Variants in AUTS2 observed in about 807,000 individuals in gnomAD.
AUTS2 encodes the protein autism susceptibility gene 2 protein.
A neutral mutation model predicts 112.4 loss-of-function variants in AUTS2; 17 were observed. That is an observed-to-expected ratio of 0.15 (90% confidence interval 0.10 to 0.23). The LOEUF is 0.23. AUTS2 is among the 10% of genes least tolerant of loss of function. The pLI, the probability that AUTS2 is intolerant of heterozygous loss-of-function variation, is 1.00. For synonymous variants in AUTS2, 751 were observed against 702.7 expected (o/e 1.07, Z -1.09); for missense variants, 1,510 against 1,701.6 (o/e 0.89, Z 1.98).
intron 5 of AUTS2, among the ~76,000 whole-genome samples, chr7:70,476,705 C>G (rs1341532908): frequency 6.6e-6 from 1 of 152,186 alleles, no homozygotes; most frequent in Non-Finnish European, 1.5e-5. Context: ...CTTACAAGCT[C>G]TATAGCCTTC....
intron 5 of AUTS2, among the ~76,000 whole-genome samples, chr7:70,640,671 G>A (rs1329149782): frequency 1.3e-5 from 2 of 152,002 alleles, no homozygotes; most frequent in African/African-American, 4.8e-5. Flanking sequence ...ATTGAAAGAC[G>A]GCTTGGTTCC....
intron 1 of AUTS2, among the ~76,000 whole-genome samples, chr7:69,827,834 C>T (rs1355688993): frequency 6.6e-6 from 1 of 152,206 alleles, no homozygotes; most frequent in Non-Finnish European, 1.5e-5. Context: ...TTGTCTGCAG[C>T]ACTGTGGCCA....
chr7:70,265,865 A>T (rs1215018197), intron 4 of AUTS2, among the ~76,000 whole-genome samples: 2 of 152,216 alleles, frequency 1.3e-5, no homozygotes, highest in Non-Finnish European at 2.9e-5. Context: ...CTATTATGAC[A>T]ATTAACTCTG....
intron 4 of AUTS2, among the ~76,000 whole-genome samples, chr7:70,335,809 T>C (rs887666259): frequency 3.3e-5 from 5 of 152,224 alleles, no homozygotes; most frequent in Non-Finnish European, 4.4e-5. Context: ...TTGCAAGGCC[T>C]TTATTTCCTT....
At chr7:70,426,002 T>C (rs539977834) in intron 4 of AUTS2, among the ~76,000 whole-genome samples, 1 of 152,182 alleles carries the variant, frequency 6.6e-6, no homozygotes, top group East Asian at 1.9e-4. Flanking sequence ...GTACATACTG[T>C]CAATAGCCCC....
intron 4 of AUTS2, among the ~76,000 whole-genome samples, chr7:70,315,955 T>A (rs1283462793): frequency 6.6e-6 from 1 of 152,222 alleles, no homozygotes; most frequent in African/African-American, 2.4e-5. Context: ...TTGTTCTCCT[T>A]TGTACTTTCC....
chr7:69,670,654 A>G (rs896229176), intron 1 of AUTS2, among the ~76,000 whole-genome samples: 32 of 146,880 alleles, frequency 2.2e-4, no homozygotes, highest in Non-Finnish European at 4.0e-4. Context: ...AGGCTGGAGG[A>G]TGGCTTGAAC....
At position 70,009,162 on chromosome 7, in the gene AUTS2, A is replaced by G. The variant is rs183682405; in HGVS notation, c.523-108970A>G. Among the ~76,000 whole-genome samples, 141 of 152,270 alleles carry G rather than the reference A, an allele frequency of 9.3e-4. 2 individuals are homozygous for G. The East Asian group carries it at 0.025, about 27-fold the overall frequency. ...ATTCCATGGGAGAAGGTGGAAAAGC[A>G]AGAGAGCATGAGAGCAAGAGGAAGC... On this transcript the variant is annotated intron_variant, in intron 2 of 18. Coordinates refer to ENST00000342771, the MANE Select transcript of AUTS2 (RefSeq NM_015570.4).
chr7:70,578,422 G>A (rs1802274191), intron 5 of AUTS2, among the ~76,000 whole-genome samples: 1 of 152,220 alleles, frequency 6.6e-6, no homozygotes, highest in African/African-American at 2.4e-5. Flanking sequence ...TCTGTCCCTA[G>A]TTTCTCCCTT....
chr7:70,566,458 A>G (rs1192832163), intron 5 of AUTS2, among the ~76,000 whole-genome samples: 1 of 152,198 alleles, frequency 6.6e-6, no homozygotes, highest in Non-Finnish European at 1.5e-5. Context: ...GTATAATCTT[A>G]GATTACATGG....
intron 1 of AUTS2, among the ~76,000 whole-genome samples, chr7:69,876,805 C>T (rs1415935062): frequency 1.3e-5 from 2 of 151,916 alleles, no homozygotes; most frequent in Non-Finnish European, 2.9e-5. Flanking sequence ...CTTTGAACTT[C>T]CCTAATGAGA....
chr7:70,019,719 T>C (rs1800190407), intron 2 of AUTS2, among the ~76,000 whole-genome samples: 1 of 152,214 alleles, frequency 6.6e-6, no homozygotes, highest in Admixed American at 6.5e-5. Context: ...AATAAGTTAA[T>C]GAAAAGTCAG....
intron 4 of AUTS2, among the ~76,000 whole-genome samples, chr7:70,316,267 T>C (rs949166158): frequency 3.3e-5 from 5 of 152,142 alleles, no homozygotes; most frequent in African/African-American, 1.2e-4. Context: ...GGGTAATGGA[T>C]TGGACAAACA....
chr7:69,816,280 T>C lies in AUTS2; in HGVS notation c.310-83006T>C, dbSNP rs371909270. On this transcript the variant is annotated intron_variant, in intron 1 of 18. Coordinates refer to ENST00000342771, the MANE Select transcript of AUTS2 (RefSeq NM_015570.4). ...GAGCCAGCCCCTTGAAATTAAAATA[T>C]CGACTTACATTCCGTTCTCCCCAGA... is the stretch of plus-strand genomic sequence containing the variant. Among the ~76,000 whole-genome samples the C allele has an allele frequency of 7.2e-5, 11 of 152,208 alleles. No individual in the cohort carries two copies. The South Asian group carries it at 2.3e-3, about 32-fold the overall frequency.
At chr7:69,880,783 G>T (rs975745335) in intron 1 of AUTS2, among the ~76,000 whole-genome samples, 2 of 152,170 alleles carry the variant, frequency 1.3e-5, no homozygotes, top group African/African-American at 4.8e-5. Context: ...AGAGGAGAGG[G>T]TGGTGACAAT....
intron 4 of AUTS2, among the ~76,000 whole-genome samples, chr7:70,317,257 G>C (rs1338207244): frequency 6.6e-6 from 1 of 152,082 alleles, no homozygotes; most frequent in Non-Finnish European, 1.5e-5. Context: ...TTGTGTGTGT[G>C]TTCCTTGTCA....
chr7:70,335,174 T>C (rs1406288104), intron 4 of AUTS2, among the ~76,000 whole-genome samples: 2 of 152,192 alleles, frequency 1.3e-5, no homozygotes, highest in Non-Finnish European at 2.9e-5. Context: ...GAGCATGTGT[T>C]CCTTTCTGTC....
intron 4 of AUTS2, among the ~76,000 whole-genome samples, chr7:70,397,770 G>A (rs1295041500): frequency 6.6e-6 from 1 of 151,822 alleles, no homozygotes; most frequent in Non-Finnish European, 1.5e-5. Flanking sequence ...TTTTGATGAA[G>A]CCCAATTAAT....
chr7:70,565,796 G>C (rs1339514290), intron 5 of AUTS2, among the ~76,000 whole-genome samples: 1 of 152,176 alleles, frequency 6.6e-6, no homozygotes, highest in Non-Finnish European at 1.5e-5. Context: ...TATGAGAATA[G>C]CATATAATTT....
Sources: allele counts gnomAD v4.1 joint callset (sites outside exome capture counted in the v4.1 genomes callset), GRCh38; gene constraint gnomAD v4.1.1; transcripts MANE v1.5; gene names NCBI Gene and HGNC (gene_info 2026-07-23, HGNC 2026-07-21).